The following SAMM50 variants were observed in gnomAD, a reference collection of about 807,000 sequenced individuals.
SAMM50 encodes sorting and assembly machinery component 50 homolog.
SAMM50 carries 47 observed loss-of-function variants against 66.9 expected under a neutral mutation model. The observed-to-expected ratio is 0.70, with a 90% confidence interval of 0.56 to 0.90. The LOEUF is 0.90. Ranked by LOEUF, SAMM50 falls within the 40% of genes least tolerant of loss-of-function variation. The pLI, the probability that SAMM50 is intolerant of heterozygous loss-of-function variation, is 0.00. For missense variants in SAMM50, 535 were observed against 595.3 expected, an observed-to-expected ratio of 0.90 and a Z score of 1.05; for synonymous variants, 191 against 214.1, an observed-to-expected ratio of 0.89 and a Z score of 0.94.
intron 12 of SAMM50, chr22:43,988,260 CTTTTT>C (rs1273517478): frequency 1.3e-5 from 2 of 152,144 alleles, no homozygotes; most frequent in Admixed American, 1.3e-4. Flanking sequence ...ATGTTGGTGT[CTTTTT>C]TTTCCTTCCT....
At chr22:43,996,225 A>AG (rs1305729475) in intron 14 of SAMM50, 113 bp from the exon 15 acceptor site, 1 of 1,126,658 alleles carries the variant, frequency 8.9e-7, no homozygotes, top group African/African-American at 1.5e-5. Context: ...GGAAGGCAGC[A>AG]GGAGGAGGAG....
At chr22:43,991,909 C>T (rs1482632728) in intron 14 of SAMM50, among the ~76,000 whole-genome samples, 1 of 152,202 alleles carries the variant, frequency 6.6e-6, no homozygotes, top group Non-Finnish European at 1.5e-5. Context: ...TCAGCACCTC[C>T]CAAAGGCCTG....
chr22:43,971,061 G>A (rs1044427252), intron 4 of SAMM50, among the ~76,000 whole-genome samples: 3 of 152,020 alleles, frequency 2.0e-5, no homozygotes, highest in Admixed American at 1.3e-4. Flanking sequence ...CCAGCTACTC[G>A]GAAGGCTGAG....
chr22:43,963,127 G>A, intron 1 of SAMM50, 159 bp from the exon 2 acceptor site: 1 of 483,896 alleles, frequency 2.1e-6, no homozygotes, highest in Non-Finnish European at 3.7e-6. Flanking sequence ...ATAGCTGACG[G>A]CACCTTTTTA....
chr22:43,991,125 C>G (rs1055304410), intron 14 of SAMM50, among the ~76,000 whole-genome samples: 1 of 151,776 alleles, frequency 6.6e-6, no homozygotes, highest in Non-Finnish European at 1.5e-5. Flanking sequence ...TACAGGCATG[C>G]GTCACCACAC....
chr22:43,970,410 G>A (rs2050197349), intron 4 of SAMM50, among the ~76,000 whole-genome samples: 1 of 152,166 alleles, frequency 6.6e-6, no homozygotes, highest in African/African-American at 2.4e-5. Context: ...GAGTCCCTCT[G>A]ATGGCTGAGC....
At chr22:43,995,054 A>G (rs1298681004) in intron 14 of SAMM50, among the ~76,000 whole-genome samples, 4 of 152,224 alleles carry the variant, frequency 2.6e-5, no homozygotes, top group Admixed American at 6.5e-5. Context: ...AGATCTGAAC[A>G]CAACTAAATG....
At chr22:43,959,389 A>G (rs1321899408) in intron 1 of SAMM50, among the ~76,000 whole-genome samples, 1 of 152,010 alleles carries the variant, frequency 6.6e-6, no homozygotes, top group Non-Finnish European at 1.5e-5. Flanking sequence ...CATTCATTTC[A>G]TGTCCCATAC....
rs973092715 is a variant in SAMM50, at chr22:43,966,716, T to C, written c.235-2015T>C. Reference sequence around the variant, plus strand: ...GTCTCTTTCCCAAAATTGGGTTTTATCACAATTTTTAAATTCTTGCCATCT... The same window carrying C: ...GTCTCTTTCCCAAAATTGGGTTTTACCACAATTTTTAAATTCTTGCCATCT... On this transcript the variant is annotated intron_variant, in intron 3 of 14. Coordinates refer to ENST00000350028, the MANE Select transcript of SAMM50 (RefSeq NM_015380.5). 4.6e-5 allele frequency among the ~76,000 whole-genome samples: 7 copies of C among 152,218 alleles called. No homozygotes were observed. The South Asian group carries it at 8.3e-4, about 18-fold the overall frequency.
chr22:43,968,794 G>A lies in SAMM50; in HGVS notation c.298G>A (p.Asp100Asn). ...CCGTCTTGGAATTTTTAGACAAGTG[G>A]ATGTTTTGATTGACACATGTCAAGG... ...LLRLGIFRQV[D>N]VLIDTCQGDD... The change falls in exon 4 of 15, where the codon GAT (aspartate) becomes AAT (asparagine). Residue 100 changes from aspartate to asparagine, a missense_variant. By Grantham distance (23) the Asp-to-Asn change is conservative. Transcript: ENST00000350028. 2 of 1,611,972 alleles carry A rather than the reference G, an allele frequency of 1.2e-6. No homozygotes were observed.
chr22:43,993,276 CTCGGGCAGGGAGGG>C (rs1305196267), intron 14 of SAMM50, among the ~76,000 whole-genome samples: 1 of 152,242 alleles, frequency 6.6e-6, no homozygotes, highest in East Asian at 1.9e-4. Flanking sequence ...CTGTGCACGT[CTCGGGCAGGGAGGG>C]TCTGGGCAGC....
At chr22:43,988,380 A>C (rs2050304882) in intron 12 of SAMM50, 1 of 152,178 alleles carries the variant, frequency 6.6e-6, no homozygotes, top group African/African-American at 2.4e-5. Context: ...GTCATTTTGT[A>C]TTAGAGGAGA....
intron 1 of SAMM50, among the ~76,000 whole-genome samples, chr22:43,955,913 G>A (rs193297254): frequency 2.0e-5 from 3 of 152,324 alleles, no homozygotes; most frequent in Non-Finnish European, 4.4e-5. Flanking sequence ...ATGATTTTAA[G>A]TTTTCTCTCT....
chr22:43,993,796 G>A (rs944715872), intron 14 of SAMM50, among the ~76,000 whole-genome samples: 115 of 152,344 alleles, frequency 7.5e-4, no homozygotes, highest in Middle Eastern at 3.4e-3. Context: ...ATGGGGTATC[G>A]TGTGTGTAGA....
rs142114147 is a variant in SAMM50, at chr22:43,959,902, A to C, written c.22-3384A>C. ...CCTATAATGACTTTAGGGTTTAGAG[A>C]TAATAGAAAAATAGATGTAAGATGT... On this transcript the variant is annotated intron_variant, in intron 1 of 14. Transcript: ENST00000350028. Among the ~76,000 whole-genome samples the C allele has an allele frequency of 5.8e-4, 88 of 152,306 alleles. No homozygotes were observed. The East Asian group carries it at 0.015, about 27-fold the overall frequency.
At chr22:43,968,845 T>G in intron 4 of SAMM50, 27 bp downstream of exon 4, 1 of 1,504,906 alleles carries the variant, frequency 6.6e-7, no homozygotes, top group Non-Finnish European at 9.2e-7. Context: ...AGTATCTTTA[T>G]AATTCCCTTT....
chr22:43,993,724 C>G (rs930934001), intron 14 of SAMM50, among the ~76,000 whole-genome samples: 7 of 152,124 alleles, frequency 4.6e-5, no homozygotes, highest in African/African-American at 1.7e-4. Flanking sequence ...ATTGGAATTT[C>G]GTGAAGTTGG....
chr22:43,967,233 C>T (rs1388724712), intron 3 of SAMM50, among the ~76,000 whole-genome samples: 1 of 152,194 alleles, frequency 6.6e-6, no homozygotes, highest in African/African-American at 2.4e-5. Flanking sequence ...GCCAGCTCCT[C>T]TGTGTTGAGC....
chr22:43,990,473 G>A (rs1603420437), intron 14 of SAMM50, 67 bp downstream of exon 14: 1 of 1,499,986 alleles, frequency 6.7e-7, no homozygotes. Context: ...TGTTTTGGAC[G>A]TGGTTAATTT....
Sources: allele counts gnomAD v4.1 joint callset (sites outside exome capture counted in the v4.1 genomes callset), GRCh38; gene constraint gnomAD v4.1.1; transcripts MANE v1.5; gene names NCBI Gene and HGNC (gene_info 2026-07-23, HGNC 2026-07-21).